Variants in SAMSN1 observed in about 807,000 individuals in gnomAD.
SAMSN1 encodes the protein SAM domain, SH3 domain and nuclear localization signals 1.
Under a neutral mutation model 42.0 loss-of-function variants are expected in SAMSN1, and 31 were observed. The observed-to-expected ratio is 0.74, with a 90% CI of 0.55 to 1.00. The LOEUF (loss-of-function observed/expected upper bound fraction) is 1.00. Among genes scored for constraint, SAMSN1 ranks in the 50% least tolerant of loss-of-function variants. SAMSN1 has a pLI of 0.00. For synonymous variants in SAMSN1, 178 were observed against 151.9 expected (o/e 1.17, Z -1.26); for missense variants, 464 against 439.4 (o/e 1.06, Z -0.50).
intron 2 of SAMSN1, among the ~76,000 whole-genome samples, chr21:14,554,987 C>T (rs1313631445): frequency 6.6e-6 from 1 of 152,108 alleles, no homozygotes. Context: ...TGAATCACCA[C>T]ACCTACCCCA....
intron 2 of SAMSN1, among the ~76,000 whole-genome samples, chr21:14,623,000 A>G (rs1164757038): frequency 6.6e-6 from 1 of 152,216 alleles, no homozygotes; most frequent in Non-Finnish European, 1.5e-5. Context: ...TCAACCCAGA[A>G]TTTCATATCC....
intron 2 of SAMSN1, among the ~76,000 whole-genome samples, chr21:14,616,441 T>C (rs531942583): frequency 2.0e-5 from 3 of 152,290 alleles, no homozygotes; most frequent in African/African-American, 4.8e-5. Flanking sequence ...AGTTGTATCA[T>C]AGAGTGCCTT....
intron 1 of SAMSN1, among the ~76,000 whole-genome samples, chr21:14,533,539 G>A (rs1336375019): frequency 6.6e-6 from 1 of 152,166 alleles, no homozygotes; most frequent in Admixed American, 6.5e-5. Flanking sequence ...CATTGGTCAA[G>A]TATCACGTCT....
At chr21:14,488,207 G>C (rs145870602) in intron 7 of SAMSN1, among the ~76,000 whole-genome samples, 53 of 152,286 alleles carry the variant, frequency 3.5e-4, no homozygotes, top group African/African-American at 1.3e-3. Flanking sequence ...CCTATTTGGA[G>C]TGTGAACCTC....
chr21:14,625,320 A>G (rs569558748), intron 2 of SAMSN1, among the ~76,000 whole-genome samples: 13 of 152,248 alleles, frequency 8.5e-5, no homozygotes, highest in Non-Finnish European at 1.9e-4. Context: ...TTCAATTAGG[A>G]AAAGAGGAAG....
chr21:14,656,988 T>C (rs990933375), intron 1 of SAMSN1, among the ~76,000 whole-genome samples: 1 of 151,626 alleles, frequency 6.6e-6, no homozygotes, highest in Non-Finnish European at 1.5e-5. Flanking sequence ...CAGTGTCCCA[T>C]ATGTTCACAT....
chr21:14,650,408 A>C (rs979060958), intron 1 of SAMSN1, among the ~76,000 whole-genome samples: 12 of 152,168 alleles, frequency 7.9e-5, no homozygotes, highest in African/African-American at 2.9e-4. Flanking sequence ...ACAACATGGA[A>C]ATTAAACAAT....
intron 7 of SAMSN1, among the ~76,000 whole-genome samples, chr21:14,588,643 C>T (rs887551837): frequency 3.9e-5 from 6 of 152,188 alleles, no homozygotes; most frequent in Non-Finnish European, 8.8e-5. Context: ...CCATCTTCTT[C>T]AACTCAGTGA....
At chr21:14,605,935 A>T in intron 5 of SAMSN1, among the ~76,000 whole-genome samples, 1 of 151,816 alleles carries the variant, frequency 6.6e-6, no homozygotes, top group South Asian at 2.1e-4. Flanking sequence ...TCCGCCTCCC[A>T]GGTTCACGCC....
At position 14,642,136 on chromosome 21, in the gene SAMSN1, G is replaced by T. The variant is rs553599976; in HGVS notation, c.156+866C>A. 2.2e-4 allele frequency among the ~76,000 whole-genome samples: 33 copies of T among 152,278 alleles called. No individual in the cohort carries two copies. The South Asian group carries it at 5.0e-3, about 23-fold the overall frequency. ...GTAGGCTGAGGAGGACGAGGAATAG[G>T]AGCAGTTGTGGCGAAAGAAAATCTG... On this transcript the variant is annotated intron_variant, in intron 2 of 15. Transcript: ENST00000647101.
chr21:14,588,968 A>T (rs775047330), intron 7 of SAMSN1, among the ~76,000 whole-genome samples: 36 of 152,134 alleles, frequency 2.4e-4, no homozygotes, highest in Non-Finnish European at 4.3e-4. Context: ...TCATATGTAT[A>T]TATTTAACAT....
chr21:14,517,182 G>A (rs770502801), intron 2 of SAMSN1, 141 bp from the exon 3 acceptor site: 104 of 691,300 alleles, frequency 1.5e-4, no homozygotes, highest in Non-Finnish European at 2.2e-4. Context: ...CTAACAATCC[G>A]GACATAACAC....
chr21:14,517,505 T>A (rs1987969342), intron 2 of SAMSN1, among the ~76,000 whole-genome samples: 1 of 152,220 alleles, frequency 6.6e-6, no homozygotes, highest in African/African-American at 2.4e-5. Context: ...GAAATTGAGA[T>A]GATTGTGGTT....
intron 7 of SAMSN1, among the ~76,000 whole-genome samples, chr21:14,589,537 G>A (rs1982016942): frequency 1.3e-5 from 2 of 151,858 alleles, no homozygotes; most frequent in Admixed American, 1.3e-4. Context: ...TAATTAAGAA[G>A]GAAATATATA....
At chr21:14,550,209 T>A (rs2123175729), upstream of SAMSN1, among the ~76,000 whole-genome samples, 1 of 152,166 alleles carries the variant, frequency 6.6e-6, no homozygotes, top group South Asian at 2.1e-4. Context: ...GGGGGACCGT[T>A]TCTTCCTTGT....
At chr21:14,534,578 C>T (rs1330516935) in intron 1 of SAMSN1, among the ~76,000 whole-genome samples, 1 of 151,250 alleles carries the variant, frequency 6.6e-6, no homozygotes, top group Non-Finnish European at 1.5e-5. Context: ...TGCAGTGGCG[C>T]TGTCTCGGCT....
intron 1 of SAMSN1, among the ~76,000 whole-genome samples, chr21:14,646,336 C>T (rs535937347): frequency 2.1e-4 from 32 of 152,256 alleles, no homozygotes; most frequent in African/African-American, 7.7e-4. Flanking sequence ...TCAGTGGAAA[C>T]CTTACAGGCC....
intron 2 of SAMSN1, among the ~76,000 whole-genome samples, chr21:14,519,866 T>C (rs1600887985): frequency 6.6e-6 from 1 of 152,296 alleles, no homozygotes; most frequent in African/African-American, 2.4e-5. Flanking sequence ...TTAGTTGTTG[T>C]TGTACCTGTC....
At position 14,583,384 on chromosome 21, in the gene SAMSN1, T is replaced by C. The variant is rs968803820; in HGVS notation, c.-157A>G. 17 of 344,776 alleles carry C rather than the reference T, an allele frequency of 4.9e-5. No homozygotes were observed. In the East Asian group the frequency reaches 6.6e-4, roughly 13 times the overall value. The allele number at this position is 344,776 out of a possible 1,614,324, so 21.4% of individuals were successfully genotyped here. On this transcript the variant is annotated 5_prime_UTR_variant, in exon 1 of 9. Transcript: ENST00000285670. ...TTCTATGGCCAAGGAATGGCGACAG[T>C]GGACACTGCTGAGCTTCCTCCATTG...
Sources: gnomAD v4.1 joint callset for allele counts (sites outside exome capture counted in the v4.1 genomes callset) on GRCh38, gnomAD v4.1.1 for gene constraint, MANE v1.5 for transcripts, NCBI Gene and HGNC (gene_info 2026-07-23, HGNC 2026-07-21) for gene names.